The following HSPA1B variants were observed in gnomAD, a reference collection of about 807,000 sequenced individuals.
HSPA1B encodes heat shock 70 kDa protein 1B.
In HSPA1B, 7 loss-of-function variants were observed where a neutral mutation model predicts 9.0. The observed-to-expected ratio is 0.78, with a 90% confidence interval of 0.44 to 1.46. The LOEUF (loss-of-function observed/expected upper bound fraction) is 1.46. Among genes scored for constraint, HSPA1B ranks in the 40% most tolerant of loss-of-function variants. The pLI, the probability that HSPA1B is intolerant of heterozygous loss-of-function variation, is 0.01. For missense variants in HSPA1B, 199 were observed against 424.5 expected (o/e 0.47, Z 4.67); for synonymous variants, 125 against 184.5 (o/e 0.68, Z 2.61).
rs1816807427 is a variant in HSPA1B at position 31,827,998 on chromosome 6, CTGCG to C, written c.51_54del (p.Cys17TrpfsTer44). On this transcript the variant is annotated frameshift_variant, in exon 1 of 1. Transcript: ENST00000375650. LOFTEE classifies it high-confidence loss of function. ...GCATCGACCTGGGCACCACCTACTCCTGCGTGGGGGTGTTCCAACACGGCAAGGT... is the reference window on the plus strand; with the variant it reads ...GCATCGACCTGGGCACCACCTACTCCTGGGGGTGTTCCAACACGGCAAGGT... 6.2e-7 allele frequency: 1 copy of C among 1,612,418 alleles called. No homozygotes were observed. Among genetic ancestry groups the C allele is most frequent in the African/African-American group, 1.3e-5 (1 of 74,822 alleles).
rs749633572 is a variant in HSPA1B, at chr6:31,829,861, T to C, written c.1911T>C (p.Ile637=). Residue 637 remains isoleucine, a synonymous_variant, in exon 1 of 1, where the codon ATT becomes ATC. Coordinates refer to ENST00000375650, the MANE Select transcript of HSPA1B (RefSeq NM_005346.6). ...GAGGGTCTGGGTCAGGCCCTACCAT[T>C]GAGGAGGTGGATTAGGGGCCTTTGT... The part of the protein sequence containing the change: ...PKGGSGSGPT[I]EEVD 2 of 1,612,602 alleles carry C rather than the reference T, an allele frequency of 1.2e-6. No homozygotes were observed. The highest frequency in any genetic ancestry group is 2.2e-5 in the South Asian group (2 of 91,052).
At position 31,827,790 on chromosome 6, in the gene HSPA1B, G is replaced by C; in HGVS notation, c.-161G>C. The stretch of plus-strand genomic sequence containing the variant: ...AGGGTCCGCTTCGTCTTTCGAGAGT[G>C]ACTCCCGCGGTCCCAAGGCTTTCCA... On this transcript the variant is annotated 5_prime_UTR_variant, in exon 1 of 1. Coordinates refer to ENST00000375650, the MANE Select transcript of HSPA1B (RefSeq NM_005346.6). The C allele has an allele frequency of 1.4e-6, 2 of 1,460,286 alleles. No homozygotes were observed. The highest frequency in any genetic ancestry group is 9.4e-7 in the Non-Finnish European group (1 of 1,066,780). The allele number at this position is 1,460,286 out of a possible 1,614,324, so 90.5% of individuals were successfully genotyped here.
Position 31,828,095 on chromosome 6 carries a change from C to G in HSPA1B, c.145C>G (p.Arg49Gly), listed in dbSNP as rs767884583. The change falls in exon 1 of 1, where the codon CGG becomes GGG. Residue 49 changes from arginine (R) to glycine (G), a missense_variant. Physicochemically the swap from Arg to Gly is moderately radical, Grantham distance 125. Around this residue, in one of 5 missense-constraint regions of HSPA1B, gnomAD observed 51 missense variants for 70.9 expected, o/e 0.72. Coordinates refer to ENST00000375650, the MANE Select transcript of HSPA1B (RefSeq NM_005346.6). The stretch of plus-strand genomic sequence containing the variant: ...CTACGTGGCCTTCACGGACACCGAG[C>G]GGCTCATCGGGGATGCGGCCAAGAA... The part of the protein sequence containing the change: ...PSYVAFTDTE[R>G]LIGDAAKNQV... 6.3e-7 allele frequency: 1 copy of G among 1,594,134 alleles called. No homozygotes were observed. The highest frequency in any genetic ancestry group is 1.4e-5 in the African/African-American group (1 of 71,524).
rs757464234 is a variant in HSPA1B at position 31,827,934 on chromosome 6, C to A, written c.-17C>A. The A allele has an allele frequency of 6.3e-7, 1 of 1,599,740 alleles. No homozygotes were observed. Among genetic ancestry groups the A allele is most frequent in the Non-Finnish European group, 8.6e-7 (1 of 1,166,918 alleles). ...GCCCCCAGTCTCAGAGCGGAGCCCA[C>A]AGAGCAGGGCACCGGCATGGCCAAA... On this transcript the variant is annotated 5_prime_UTR_variant, in exon 1 of 1. Transcript: ENST00000375650.
chr6:31,828,880 C>T lies in HSPA1B; in HGVS notation c.930C>T (p.Phe310=), dbSNP rs1305366366. Residue 310 remains phenylalanine, a synonymous_variant, in exon 1 of 1, where the codon TTC becomes TTT. Coordinates refer to ENST00000375650, the MANE Select transcript of HSPA1B (RefSeq NM_005346.6). The part of the protein sequence containing the change: ...ARFEELCSDL[F]RSTLEPVEKA... ...TCGAGGAGCTGTGCTCCGACCTGTT[C>T]CGAAGCACCCTGGAGCCCGTGGAGA... The T allele has an allele frequency of 8.1e-5, 4 of 49,372 alleles. No homozygotes were observed. The Admixed American group carries it at 8.3e-4, about 10-fold the overall frequency. The allele number at this position is 49,372 out of a possible 1,614,324, so 3.1% of individuals were successfully genotyped here. A position where few individuals can be genotyped will look rare whatever the true frequency, so the allele number is the denominator to read the frequency against.
At position 31,829,666 on chromosome 6, in the gene HSPA1B, C is replaced by G. The variant is rs770115420; in HGVS notation, c.1716C>G (p.Asp572Glu). Residue 572 changes from aspartate to glutamate, a missense_variant, in exon 1 of 1, where the codon GAC (aspartate) becomes GAG (glutamate). This residue lies in a region of HSPA1B where 67 missense variants were observed against 106.4 expected (regional missense o/e 0.63). Transcript: ENST00000375650. ...AGGCGGACAAGAAGAAGGTTCTGGACAAGTGTCAAGAGGTCATCTCGTGGC... is the reference window on the plus strand; with the variant it reads ...AGGCGGACAAGAAGAAGGTTCTGGAGAAGTGTCAAGAGGTCATCTCGTGGC... ...ISEADKKKVLDKCQEVISWLD... is the reference protein window; with the variant it reads ...ISEADKKKVLEKCQEVISWLD... 3.7e-6 allele frequency: 6 copies of G among 1,612,702 alleles called. No individual in the cohort carries two copies. Among genetic ancestry groups the G allele is most frequent in the East Asian group, 2.2e-5 (1 of 44,862 alleles).
Position 31,828,072 on chromosome 6 carries a change from A to G in HSPA1B, c.122A>G (p.Tyr41Cys). ...NDQGNRTTPS[Y>C]VAFTDTERLI... ...CAGGGCAACCGCACCACCCCCAGCT[A>G]CGTGGCCTTCACGGACACCGAGCGG... The change falls in exon 1 of 1, where the codon TAC becomes TGC. Residue 41 changes from tyrosine to cysteine, a missense_variant. Tyr to Cys is a radical substitution (Grantham distance 194). This residue lies in a region of HSPA1B where 51 missense variants were observed against 70.9 expected (regional missense o/e 0.72). Coordinates refer to ENST00000375650, the MANE Select transcript of HSPA1B (RefSeq NM_005346.6). The G allele has an allele frequency of 6.2e-7, 1 of 1,604,138 alleles. No individual in the cohort carries two copies. The highest frequency in any genetic ancestry group is 8.5e-7 in the Non-Finnish European group (1 of 1,177,104).
rs1325891156 is a variant in HSPA1B at position 31,827,754 on chromosome 6, G to C, written c.-197G>C. 1 of 1,249,638 alleles carries C rather than the reference G, an allele frequency of 8.0e-7. No homozygotes were observed. Among genetic ancestry groups the C allele is most frequent in the Non-Finnish European group, 1.1e-6 (1 of 883,954 alleles). The allele number at this position is 1,249,638 out of a possible 1,614,324, so 77.4% of individuals were successfully genotyped here. ...CGGTCCGGAAAACGGCCAGCCTGAG[G>C]AGCTGCTGCGAGGGTCCGCTTCGTC... On this transcript the variant is annotated 5_prime_UTR_variant, in exon 1 of 1. Coordinates refer to ENST00000375650, the MANE Select transcript of HSPA1B (RefSeq NM_005346.6).
At position 31,830,138 on chromosome 6, in the gene HSPA1B, GTTTGTTTGTTTTT is replaced by G. The variant is rs1399810316; in HGVS notation, c.*266_*278del. 1.2e-5 allele frequency: 2 copies of G among 172,044 alleles called. No homozygotes were observed. The highest frequency in any genetic ancestry group is 1.1e-5 in the Non-Finnish European group (1 of 94,658). 10.7% of individuals were successfully genotyped at this position (172,044 alleles called of 1,614,324 possible). A position where few individuals can be genotyped will look rare whatever the true frequency, so the allele number is the denominator to read the frequency against. On this transcript the variant is annotated 3_prime_UTR_variant, in exon 1 of 1. Coordinates refer to ENST00000375650, the MANE Select transcript of HSPA1B (RefSeq NM_005346.6). ...ATCAACACTGCCACCTTCTGTACGA[GTTTGTTTGTTTTT>G]TTTTTTTTTTTTTTTTTTTGCTTGG...
In HSPA1B at chr6:31,829,673, C is replaced by T. The variant is rs1468336315; in HGVS notation, c.1723C>T (p.Gln575Ter). ...ADKKKVLDKCQEVISWLDANT... is the reference protein window; with the variant it reads ...ADKKKVLDKC The stretch of plus-strand genomic sequence containing the variant: ...CAAGAAGAAGGTTCTGGACAAGTGT[C>T]AAGAGGTCATCTCGTGGCTGGACGC... Residue 575 changes from glutamine (Q) to a stop codon, truncating the protein, a stop_gained, in exon 1 of 1, where the codon CAA becomes TAA. Coordinates refer to ENST00000375650, the MANE Select transcript of HSPA1B (RefSeq NM_005346.6). LOFTEE classifies it low-confidence loss of function (END_TRUNC). 1 of 1,612,576 alleles carries T rather than the reference C, an allele frequency of 6.2e-7. No individual in the cohort carries two copies. Among genetic ancestry groups the T allele is most frequent in the Non-Finnish European group, 8.5e-7 (1 of 1,179,850 alleles).
At position 31,829,908 on chromosome 6, in the gene HSPA1B, A is replaced by C; in HGVS notation, c.*32A>C. 1 of 1,605,916 alleles carries C rather than the reference A, an allele frequency of 6.2e-7. No individual in the cohort carries two copies. The highest frequency in any genetic ancestry group is 8.5e-7 in the Non-Finnish European group (1 of 1,176,350). ...TTGTTCTTTAGTATGTTTGTCTTTG[A>C]GGTGGACTGTTGGGACTCAAGGACT... On this transcript the variant is annotated 3_prime_UTR_variant, in exon 1 of 1. Transcript: ENST00000375650.
At position 31,830,098 on chromosome 6, in the gene HSPA1B, G is replaced by A; in HGVS notation, c.*222G>A. The A allele has an allele frequency of 2.0e-6, 1 of 490,754 alleles. No homozygotes were observed. The highest frequency in any genetic ancestry group is 2.3e-5 in the African/African-American group (1 of 44,142). 30.4% of individuals were successfully genotyped at this position (490,754 alleles called of 1,614,324 possible). ...AATGTTGATACTGTAAGGGTGTTTCGTTCCCTTTAAATGAATCAACACTGC... is the reference window on the plus strand; with the variant it reads ...AATGTTGATACTGTAAGGGTGTTTCATTCCCTTTAAATGAATCAACACTGC... On this transcript the variant is annotated 3_prime_UTR_variant, in exon 1 of 1. Coordinates refer to ENST00000375650, the MANE Select transcript of HSPA1B (RefSeq NM_005346.6).
rs756701710 is a variant in HSPA1B, at chr6:31,829,832, A to G, written c.1882A>G (p.Lys628Glu). 4 of 1,612,292 alleles carry G rather than the reference A, an allele frequency of 2.5e-6. No homozygotes were observed. The highest frequency in any genetic ancestry group is 1.1e-5 in the South Asian group (1 of 91,040). Residue 628 changes from lysine to glutamate, a missense_variant, in exon 1 of 1, where the codon AAG (lysine) becomes GAG (glutamate). Physicochemically the swap from Lys to Glu is moderately conservative, Grantham distance 56 (BLOSUM62 1). Around this residue, in one of 5 missense-constraint regions of HSPA1B, gnomAD observed 67 missense variants for 106.4 expected, o/e 0.63. Transcript: ENST00000375650. The part of the protein sequence containing the change: ...GPGGFGAQGP[K>E]GGSGSGPTIE... ...TGGCGGCTTCGGGGCTCAGGGTCCC[A>G]AGGGAGGGTCTGGGTCAGGCCCTAC...
At position 31,827,918 on chromosome 6, in the gene HSPA1B, C is replaced by G. The variant is rs1445744963; in HGVS notation, c.-33C>G. 2.5e-6 allele frequency: 4 copies of G among 1,613,298 alleles called. No homozygotes were observed. ...CCGTCCGCCGTTTCCAGCCCCCAGTCTCAGAGCGGAGCCCACAGAGCAGGG... is the reference window on the plus strand; with the variant it reads ...CCGTCCGCCGTTTCCAGCCCCCAGTGTCAGAGCGGAGCCCACAGAGCAGGG... On this transcript the variant is annotated 5_prime_UTR_variant, in exon 1 of 1. Transcript: ENST00000375650.
At position 31,829,922 on chromosome 6, in the gene HSPA1B, G is replaced by GA. The variant is rs1402329325; in HGVS notation, c.*47dup. On this transcript the variant is annotated 3_prime_UTR_variant, in exon 1 of 1. Transcript: ENST00000375650. ...GTTTGTCTTTGAGGTGGACTGTTGG[G>GA]ACTCAAGGACTTTGCTGCTGTTTTC... The GA allele has an allele frequency of 6.3e-7, 1 of 1,580,394 alleles. No homozygotes were observed. The highest frequency in any genetic ancestry group is 1.4e-5 in the African/African-American group (1 of 73,282).
chr6:31,830,064 T>C lies in HSPA1B; in HGVS notation c.*188T>C. 1.4e-6 allele frequency: 1 copy of C among 734,924 alleles called. No homozygotes were observed. The highest frequency in any genetic ancestry group is 2.2e-6 in the Non-Finnish European group (1 of 447,948). The allele number at this position is 734,924 out of a possible 1,614,324, so 45.5% of individuals were successfully genotyped here. ...ACAACCGATATGTTCATTAGAATTC[T>C]TTGCATTTAATGTTGATACTGTAAG... On this transcript the variant is annotated 3_prime_UTR_variant, in exon 1 of 1. Transcript: ENST00000375650.
chr6:31,829,499 C>G lies in HSPA1B; in HGVS notation c.1549C>G (p.Arg517Gly). ...CCGCCTGAGCAAGGAGGAGATCGAG[C>G]GCATGGTGCAGGAGGCGGAGAAGTA... ...KGRLSKEEIE[R>G]MVQEAEKYKA... is the part of the protein sequence containing the mutation. The change falls in exon 1 of 1, where the codon CGC becomes GGC. Residue 517 changes from arginine (R) to glycine (G), a missense_variant. Coordinates refer to ENST00000375650, the MANE Select transcript of HSPA1B (RefSeq NM_005346.6). 1 of 1,511,796 alleles carries G rather than the reference C, an allele frequency of 6.6e-7. No homozygotes were observed. Among genetic ancestry groups the G allele is most frequent in the South Asian group, 1.2e-5 (1 of 84,026 alleles). The allele number at this position is 1,511,796 out of a possible 1,614,324, so 93.6% of individuals were successfully genotyped here. A position where few individuals can be genotyped will look rare whatever the true frequency, so the allele number is the denominator to read the frequency against.
chr6:31,827,909 G>A lies in HSPA1B; in HGVS notation c.-42G>A. 5 of 1,613,338 alleles carry A rather than the reference G, an allele frequency of 3.1e-6. No individual in the cohort carries two copies. Among genetic ancestry groups the A allele is most frequent in the Non-Finnish European group, 4.2e-6 (5 of 1,179,826 alleles). ...TCGCGGATCCCGTCCGCCGTTTCCA[G>A]CCCCCAGTCTCAGAGCGGAGCCCAC... On this transcript the variant is annotated 5_prime_UTR_variant, in exon 1 of 1. Transcript: ENST00000375650.
Position 31,827,914 on chromosome 6 carries a change from C to A in HSPA1B, c.-37C>A. ...GATCCCGTCCGCCGTTTCCAGCCCC[C>A]AGTCTCAGAGCGGAGCCCACAGAGC... On this transcript the variant is annotated 5_prime_UTR_variant, in exon 1 of 1. Transcript: ENST00000375650. The A allele has an allele frequency of 1.2e-6, 2 of 1,613,414 alleles. No homozygotes were observed. The highest frequency in any genetic ancestry group is 2.2e-5 in the South Asian group (2 of 91,060).
Sources: gnomAD v4.1 joint callset for allele counts on GRCh38, gnomAD v4.1.1 for gene constraint, gnomAD v4.1.1 regional missense constraint, MANE v1.5 for transcripts, NCBI Gene and HGNC (gene_info 2026-07-23, HGNC 2026-07-21) for gene names.